The following FAT1 variants were observed in gnomAD, a reference collection of about 807,000 sequenced individuals.
FAT1 encodes FAT atypical cadherin 1, also known as protocadherin Fat 1.
A neutral mutation model predicts 329.8 loss-of-function variants in FAT1; 171 were observed. The ratio of observed to expected loss-of-function variants is 0.52; its 90% CI spans 0.46 to 0.59. FAT1 has a LOEUF of 0.59. Among genes scored for constraint, FAT1 ranks in the 20% least tolerant of loss-of-function variants. The pLI is 0.00. For missense variants in FAT1, 5,672 were observed against 5,774.4 expected (o/e 0.98, Z 0.57); for synonymous variants, 2,233 against 2,228.6 (o/e 1.00, Z -0.06).
At chr4:186,604,050 A>T in intron 18 of FAT1, 73 bp from the exon 19 acceptor site, 1 of 1,219,318 alleles carries the variant, frequency 8.2e-7, no homozygotes, top group Middle Eastern at 2.2e-4. Context: ...AAACATTTGT[A>T]TTACTCAAGT....
At chr4:186,645,389 AT>A (rs1560962337) in intron 3 of FAT1, among the ~76,000 whole-genome samples, 7 of 91,664 alleles carry the variant, frequency 7.6e-5, no homozygotes, top group African/African-American at 3.4e-4. Context: ...ATATATATAT[AT>A]ATATATATAT....
At position 186,605,772 on chromosome 4, in the gene FAT1, A is replaced by AG. The variant is rs79558490; in HGVS notation, c.10350+297dup. 0.029 allele frequency among the ~76,000 whole-genome samples: 4,335 copies of AG among 147,168 alleles called. 115 individuals are homozygous for AG. The highest frequency in any genetic ancestry group is 0.11 in the East Asian group (526 of 4,614). On this transcript the variant is annotated intron_variant, in intron 17 of 26. Transcript: ENST00000441802. ...AGAGCAAGAGGGAAGAGGAAGGTCA[A>AG]GGGGGGAGGAGAGGGCAGAGGAAAA...
intron 2 of FAT1, among the ~76,000 whole-genome samples, chr4:186,678,524 CTTTAT>C (rs1158818992): frequency 2.0e-5 from 3 of 148,320 alleles, no homozygotes; most frequent in Admixed American, 6.8e-5. Flanking sequence ...TCTATTATCA[CTTTAT>C]TTTATACATG....
At position 186,596,847 on chromosome 4, in the gene FAT1, C is replaced by T. The variant is rs1218592554; in HGVS notation, c.12693G>A (p.Pro4231=). Reference sequence around the variant, plus strand: ...TCTTATTTAGCTTGGAATCAAAATACGGTCTTTGCAAGAAAGCCGTAGCGG... The same window carrying T: ...TCTTATTTAGCTTGGAATCAAAATATGGTCTTTGCAAGAAAGCCGTAGCGG... ...LGPATAFLQR[P]YFDSKLNKNI... The change falls in exon 25 of 27, where the codon CCG becomes CCA. Residue 4231 remains proline (P), a synonymous_variant. Coordinates refer to ENST00000441802, the MANE Select transcript of FAT1 (RefSeq NM_005245.4). The surrounding 1 kb of genome is among the most constrained non-coding windows in gnomAD (Gnocchi z 4.7). 8.7e-6 allele frequency: 14 copies of T among 1,613,884 alleles called. No individual in the cohort carries two copies. Among genetic ancestry groups the T allele is most frequent in the East Asian group, 2.2e-5 (1 of 44,890 alleles).
chr4:186,689,695 C>G lies in FAT1; in HGVS notation c.3265+16868G>C, dbSNP rs557969269. On this transcript the variant is annotated intron_variant, in intron 2 of 26. Coordinates refer to ENST00000441802, the MANE Select transcript of FAT1 (RefSeq NM_005245.4). ...ACATCCTCATTGAATGTCCTTAGCC[C>G]AGGGTATCTGGCACCCACCCACACC... is the stretch of plus-strand genomic sequence containing the variant. Among the ~76,000 whole-genome samples the G allele has an allele frequency of 3.3e-5, 5 of 152,286 alleles. No individual in the cohort carries two copies. In the East Asian group the frequency reaches 9.7e-4, roughly 29 times the overall value.
Position 186,617,866 on chromosome 4 carries a change from G to A in FAT1, c.8720C>T (p.Thr2907Ile), listed in dbSNP as rs1450887230. ...TGGACTATCGTTGACATCGGTGACG[G>A]TAACATCCACAATGGCTGTGGAGGA... ...QLSSTAIVDV[T>I]VTDVNDSPPR... Residue 2907 changes from threonine to isoleucine, a missense_variant, in exon 10 of 27, where the codon ACC (threonine) becomes ATC (isoleucine). Physicochemically the swap from Thr to Ile is moderately conservative, Grantham distance 89. Transcript: ENST00000441802. The A allele has an allele frequency of 2.5e-6, 4 of 1,613,962 alleles. No homozygotes were observed. In the African/African-American group the frequency reaches 5.3e-5, roughly 22 times the overall value.
intron 2 of FAT1, among the ~76,000 whole-genome samples, chr4:186,673,905 T>A (rs1742840015): frequency 6.6e-6 from 1 of 152,172 alleles, no homozygotes; most frequent in Admixed American, 6.5e-5. Context: ...GTGGATAAGC[T>A]CTACTGTTAA....
chr4:186,617,846 T>C lies in FAT1; in HGVS notation c.8740A>G (p.Ser2914Gly), dbSNP rs767953674. ...VDVTVTDVND[S>G]PPRFTAEIYK... ...ATCTCGGCCGTGAATCGTGGTGGACTATCGTTGACATCGGTGACGGTAACA... is the reference window on the plus strand; with the variant it reads ...ATCTCGGCCGTGAATCGTGGTGGACCATCGTTGACATCGGTGACGGTAACA... The change falls in exon 10 of 27, where the codon AGT becomes GGT. Residue 2914 changes from serine to glycine, a missense_variant. Physicochemically the swap from Ser to Gly is moderately conservative, Grantham distance 56. This residue lies in a region of FAT1 where 3,966 missense variants were observed against 3,915.2 expected (regional missense o/e 1.01). Coordinates refer to ENST00000441802, the MANE Select transcript of FAT1 (RefSeq NM_005245.4). 3.1e-6 allele frequency: 5 copies of C among 1,613,750 alleles called. No homozygotes were observed. The East Asian group carries it at 8.9e-5, about 29-fold the overall frequency.
intron 16 of FAT1, among the ~76,000 whole-genome samples, chr4:186,608,472 C>T (rs956065362): frequency 6.6e-6 from 1 of 152,208 alleles, no homozygotes; most frequent in East Asian, 1.9e-4. Context: ...TCTTCAACTC[C>T]TGGGCTCAGT....
At position 186,664,485 on chromosome 4, in the gene FAT1, C is replaced by G. The variant is rs919649292; in HGVS notation, c.3266-872G>C. Among the ~76,000 whole-genome samples the G allele has an allele frequency of 1.2e-4, 18 of 152,184 alleles. No homozygotes were observed. In the South Asian group the frequency reaches 3.7e-3, roughly 32 times the overall value. On this transcript the variant is annotated intron_variant, in intron 2 of 26. Coordinates refer to ENST00000441802, the MANE Select transcript of FAT1 (RefSeq NM_005245.4). ...AGGGTTGGTATAGAAAAGTCCTCAA[C>G]TGGGACCCAAACTAGGATACATTTC... is the stretch of plus-strand genomic sequence containing the variant.
At chr4:186,688,657 C>CT (rs1743601363) in intron 2 of FAT1, among the ~76,000 whole-genome samples, 1 of 133,968 alleles carries the variant, frequency 7.5e-6, no homozygotes, top group Non-Finnish European at 1.6e-5. Context: ...CCCCCCGCCC[C>CT]CCCCCAAAAA....
In FAT1 at chr4:186,596,043, G is replaced by C. The variant is rs1339736179; in HGVS notation, c.13001-217C>G. Among the ~76,000 whole-genome samples the C allele has an allele frequency of 6.6e-6, 1 of 152,124 alleles. No homozygotes were observed. The highest frequency in any genetic ancestry group is 1.5e-5 in the Non-Finnish European group (1 of 68,020). ...CACATCATCTTAGAGATTATTCATA[G>C]AGTAGAAATCGCCCATAAGCATGCC... On this transcript the variant is annotated intron_variant, in intron 25 of 26. Transcript: ENST00000441802. This position sits in a 1 kb window ranked among gnomAD's most constrained non-coding sequence, Gnocchi z 4.7.
chr4:186,673,906 CT>C (rs1445910903), intron 2 of FAT1, among the ~76,000 whole-genome samples: 2 of 152,154 alleles, frequency 1.3e-5, no homozygotes, highest in Non-Finnish European at 2.9e-5. Context: ...TGGATAAGCT[CT>C]ACTGTTAAAG....
intron 6 of FAT1, among the ~76,000 whole-genome samples, chr4:186,635,256 G>A (rs983938501): frequency 6.6e-5 from 10 of 151,922 alleles, no homozygotes; most frequent in Non-Finnish European, 5.9e-5. Flanking sequence ...GAGATGAATC[G>A]CAACAGAGAC....
At chr4:186,629,215 C>T (rs925203725) in intron 7 of FAT1, among the ~76,000 whole-genome samples, 1 of 152,132 alleles carries the variant, frequency 6.6e-6, no homozygotes, top group African/African-American at 2.4e-5. Context: ...TTCTCATTCT[C>T]ATCTTTGACA....
intron 26 of FAT1, chr4:186,592,722 T>G (rs929800392): frequency 2.2e-6 from 1 of 456,586 alleles, no homozygotes; most frequent in African/African-American, 2.0e-5. Context: ...AACCACAGCA[T>G]TGACAAGGTG....
In FAT1 at chr4:186,628,741, G is replaced by T. The variant is rs1740447073; in HGVS notation, c.4346C>A (p.Thr1449Lys). ...LTQVFIKVIDTNDHRPQFSTS... is the reference protein window; with the variant it reads ...LTQVFIKVIDKNDHRPQFSTS... ...AGAAAACTGAGGACGATGGTCATTTGTGTCTATTACTTTGATGAATACCTG... is the reference window on the plus strand; with the variant it reads ...AGAAAACTGAGGACGATGGTCATTTTTGTCTATTACTTTGATGAATACCTG... The change falls in exon 8 of 27, where the codon ACA (threonine) becomes AAA (lysine). Residue 1449 changes from threonine to lysine, a missense_variant. Thr to Lys is a moderately conservative substitution (Grantham distance 78, BLOSUM62 -1). Coordinates refer to ENST00000441802, the MANE Select transcript of FAT1 (RefSeq NM_005245.4). The T allele has an allele frequency of 1.2e-6, 2 of 1,613,260 alleles. No individual in the cohort carries two copies. Among genetic ancestry groups the T allele is most frequent in the Non-Finnish European group, 8.5e-7 (1 of 1,179,754 alleles).
intron 9 of FAT1, 55 bp from the exon 10 acceptor site, chr4:186,621,830 T>A (rs1740065807): frequency 9.0e-7 from 1 of 1,114,998 alleles, no homozygotes; most frequent in Non-Finnish European, 1.2e-6. Context: ...GCAGTAGTAG[T>A]AGTAGTTAGA....
In FAT1 at chr4:186,709,839, C is replaced by G; in HGVS notation, c.-12G>C. ...AAATGTCTCCCCATTGCTTAACTGT[C>G]GGGAATCTGAAACAGAAGAAATCAG... On this transcript the variant is annotated 5_prime_UTR_variant, in exon 2 of 27. Transcript: ENST00000441802. 1 of 1,580,162 alleles carries G rather than the reference C, an allele frequency of 6.3e-7. No homozygotes were observed. The highest frequency in any genetic ancestry group is 8.6e-7 in the Non-Finnish European group (1 of 1,159,486).
Sources: gnomAD v4.1 joint callset for allele counts (sites outside exome capture counted in the v4.1 genomes callset) on GRCh38, gnomAD v4.1.1 for gene constraint, gnomAD v4.1.1 regional missense constraint, Gnocchi (gnomAD v3.1) non-coding constraint, MANE v1.5 for transcripts, NCBI Gene and HGNC (gene_info 2026-07-23, HGNC 2026-07-21) for gene names.